SFXN5: variants seen among roughly 807,000 people sequenced by gnomAD.
The protein encoded by SFXN5 is sideroflexin 5.
SFXN5 carries 43 observed loss-of-function variants against 50.2 expected under a neutral mutation model. The ratio of observed to expected loss-of-function variants is 0.86; its 90% CI spans 0.67 to 1.11. SFXN5 has a LOEUF of 1.11. SFXN5 is among the 50% of genes least tolerant of loss of function. The pLI is 0.00. For synonymous variants in SFXN5, 203 were observed against 185.8 expected (o/e 1.09, Z -0.75); for missense variants, 463 against 454.1 (o/e 1.02, Z -0.18).
At chr2:73,000,783 T>G (rs566975715) in intron 7 of SFXN5, among the ~76,000 whole-genome samples, 1 of 152,322 alleles carries the variant, frequency 6.6e-6, no homozygotes, top group African/African-American at 2.4e-5. Flanking sequence ...AATGATGGCA[T>G]TCACTGCCCC....
intron 3 of SFXN5, among the ~76,000 whole-genome samples, chr2:73,033,278 T>C (rs940048990): frequency 2.0e-5 from 3 of 152,210 alleles, no homozygotes; most frequent in South Asian, 2.1e-4. Flanking sequence ...GACACATCAG[T>C]GACAAAAACA....
chr2:73,047,251 T>TATATATATATATACACAC (rs1680528923), intron 2 of SFXN5, among the ~76,000 whole-genome samples: 1 of 27,588 alleles, frequency 3.6e-5, no homozygotes, highest in Non-Finnish European at 7.9e-5. Context: ...AAAAAATATA[T>TATATATATATATACACAC]ATATATATAT....
intron 13 of SFXN5, among the ~76,000 whole-genome samples, chr2:72,957,738 G>C (rs542023795): frequency 6.6e-6 from 1 of 152,336 alleles, no homozygotes; most frequent in Non-Finnish European, 1.5e-5. Flanking sequence ...CGGAAACAAG[G>C]CCCTCTCGGC....
intron 2 of SFXN5, 82 bp from the exon 3 acceptor site, chr2:73,041,013 T>A (rs2105924975): frequency 1.8e-6 from 2 of 1,121,662 alleles, no homozygotes; most frequent in South Asian, 2.8e-5. Flanking sequence ...TACATCAGTA[T>A]CAAATACTGC....
At chr2:72,952,552 G>A (rs141657496) in intron 13 of SFXN5, among the ~76,000 whole-genome samples, 136 of 152,202 alleles carry the variant, frequency 8.9e-4, no homozygotes, top group Non-Finnish European at 1.8e-3. Context: ...ACACTTTTCC[G>A]GCTCCCCTGT....
chr2:72,959,992 T>G (rs1673528351), intron 13 of SFXN5, among the ~76,000 whole-genome samples: 2 of 152,094 alleles, frequency 1.3e-5, no homozygotes, highest in African/African-American at 4.8e-5. Flanking sequence ...GAGTGTGACC[T>G]CTCAGGAGGG....
At chr2:72,978,411 T>C (rs1176410849) in intron 10 of SFXN5, among the ~76,000 whole-genome samples, 1 of 151,598 alleles carries the variant, frequency 6.6e-6, no homozygotes, top group Non-Finnish European at 1.5e-5. Flanking sequence ...GCCTCCCAAG[T>C]AGCTGCAATT....
At chr2:73,009,650 T>A (rs2105760632) in intron 6 of SFXN5, among the ~76,000 whole-genome samples, 1 of 152,338 alleles carries the variant, frequency 6.6e-6, no homozygotes, top group South Asian at 2.1e-4. Flanking sequence ...GGCCAGGGCA[T>A]CCTCTTCTTA....
At chr2:73,047,275 T>TATATATATATATATATAC (rs1300799277) in intron 2 of SFXN5, among the ~76,000 whole-genome samples, 2 of 51,746 alleles carry the variant, frequency 3.9e-5, no homozygotes, top group Non-Finnish European at 6.9e-5. Flanking sequence ...TATATATATA[T>TATATATATATATATATAC]ACACACATAT....
chr2:73,040,063 G>A (rs62147735), intron 3 of SFXN5, among the ~76,000 whole-genome samples: 22,943 of 151,958 alleles, frequency 0.15, 2,027 homozygotes, highest in East Asian at 0.36. Flanking sequence ...TGCCTGCCTC[G>A]GCCTCCCAAA....
chr2:72,949,985 G>T (rs1425610088), intron 13 of SFXN5, among the ~76,000 whole-genome samples: 3 of 152,104 alleles, frequency 2.0e-5, no homozygotes, highest in African/African-American at 7.2e-5. Context: ...GTGCCAGTGG[G>T]TTCCCCAGGT....
At chr2:73,014,586 G>A (rs1368515328) in intron 6 of SFXN5, among the ~76,000 whole-genome samples, 1 of 152,172 alleles carries the variant, frequency 6.6e-6, no homozygotes, top group Non-Finnish European at 1.5e-5. Flanking sequence ...AAATCCTGAT[G>A]AGATTATGAC....
At chr2:73,055,907 G>C (rs773183761) in intron 2 of SFXN5, among the ~76,000 whole-genome samples, 13 of 152,174 alleles carry the variant, frequency 8.5e-5, no homozygotes, top group Non-Finnish European at 1.5e-4. Context: ...GTCGGCCACC[G>C]GGCCAGTGAA....
chr2:72,978,834 C>A (rs1157910594), intron 10 of SFXN5, among the ~76,000 whole-genome samples: 3 of 151,944 alleles, frequency 2.0e-5, no homozygotes, highest in Admixed American at 6.6e-5. Context: ...TTAAATTCCC[C>A]AGGTGATTAT....
chr2:73,059,401 A>G lies in SFXN5; in HGVS notation c.103-805T>C, dbSNP rs186514176. On this transcript the variant is annotated intron_variant, in intron 1 of 13. Transcript: ENST00000272433. ...TCACTACACTCCGGGCTCTGCCCCAAATTCCTCCCTGGAGCCCCACAACTC... is the reference window on the plus strand; with the variant it reads ...TCACTACACTCCGGGCTCTGCCCCAGATTCCTCCCTGGAGCCCCACAACTC... 2.3e-4 allele frequency: 228 copies of G among 985,316 alleles called. No homozygotes were observed. In the African/African-American group the frequency reaches 3.8e-3, roughly 17 times the overall value. 61.0% of individuals were successfully genotyped at this position (985,316 alleles called of 1,614,324 possible).
intron 12 of SFXN5, 41 bp downstream of exon 12, chr2:72,968,407 T>G: frequency 6.7e-6 from 6 of 901,730 alleles, no homozygotes; most frequent in Non-Finnish European, 1.0e-5. Flanking sequence ...CTCCCCCTCC[T>G]CCCCCATGGT....
At position 72,961,431 on chromosome 2, in the gene SFXN5, CT is replaced by C. The variant is rs1673731439; in HGVS notation, c.828-184del. Among the ~76,000 whole-genome samples, 1 of 152,202 alleles carries C rather than the reference CT, an allele frequency of 6.6e-6. No individual in the cohort carries two copies. The highest frequency in any genetic ancestry group is 2.1e-4 in the South Asian group (1 of 4,830). On this transcript the variant is annotated intron_variant, in intron 12 of 13. Coordinates refer to ENST00000272433, the MANE Select transcript of SFXN5 (RefSeq NM_144579.3). This position sits in a 1 kb window ranked among gnomAD's most constrained non-coding sequence, Gnocchi z 4.4. ...TGGGACCTTTTCCCGATAGGTACCC[CT>C]ATCCCAGCGGGTATAGACCCCTATC...
intron 3 of SFXN5, among the ~76,000 whole-genome samples, chr2:73,034,658 G>A (rs1678732613): frequency 6.6e-6 from 1 of 152,082 alleles, no homozygotes; most frequent in South Asian, 2.1e-4. Context: ...CCACTCAGGA[G>A]CTACAGTGGT....
intron 11 of SFXN5, 144 bp from the exon 12 acceptor site, chr2:72,968,677 C>G: frequency 3.5e-6 from 2 of 572,780 alleles, no homozygotes; most frequent in Admixed American, 3.7e-5. Context: ...AAGCTGCATT[C>G]CAAACAACAA....
Sources: gnomAD v4.1 joint callset for allele counts (sites outside exome capture counted in the v4.1 genomes callset) on GRCh38, gnomAD v4.1.1 for gene constraint, Gnocchi (gnomAD v3.1) non-coding constraint, MANE v1.5 for transcripts, NCBI Gene and HGNC (gene_info 2026-07-23, HGNC 2026-07-21) for gene names.